The following SLC16A2 variants were observed in gnomAD, a reference collection of about 807,000 sequenced individuals.
SLC16A2 encodes the protein solute carrier family 16 member 2.
SLC16A2 carries 3 observed loss-of-function variants against 27.2 expected under a neutral mutation model. The ratio of observed to expected loss-of-function variants is 0.11; its 90% CI spans 0.05 to 0.28. SLC16A2 has a LOEUF of 0.28. Ranked by LOEUF, SLC16A2 falls within the 10% of genes least tolerant of loss-of-function variation. The probability of loss-of-function intolerance (pLI) is 1.00; values close to 1 mark genes in which losing one functional copy is unlikely to be tolerated. For missense variants in SLC16A2, 295 were observed against 458.5 expected, an observed-to-expected ratio of 0.64 and a Z score of 3.26; for synonymous variants, 202 against 187.8, an observed-to-expected ratio of 1.08 and a Z score of -0.62.
At chrX:74,499,249 T>C (rs1430438290) in intron 1 of SLC16A2, among the ~76,000 whole-genome samples, 1 of 110,220 alleles carries the variant, frequency 9.1e-6, no homozygotes, top group Non-Finnish European at 1.9e-5. Context: ...GTTTGGTCAA[T>C]CTAACAAGAA....
chrX:74,501,006 G>A (rs1467009306), intron 1 of SLC16A2, among the ~76,000 whole-genome samples: 6 of 107,330 alleles, frequency 5.6e-5, no homozygotes, highest in Non-Finnish European at 7.7e-5. Flanking sequence ...TCATATATTA[G>A]GCTGGTGCAA....
intron 1 of SLC16A2, among the ~76,000 whole-genome samples, chrX:74,511,853 C>A (rs1930238823): frequency 9.0e-6 from 1 of 111,731 alleles, no homozygotes; most frequent in African/African-American, 3.3e-5. Flanking sequence ...GCACTTAACT[C>A]TGGGCCCTGC....
intron 2 of SLC16A2, among the ~76,000 whole-genome samples, chrX:74,521,564 A>C (rs1181477573): frequency 8.9e-6 from 1 of 112,238 alleles, no homozygotes; most frequent in Non-Finnish European, 1.9e-5. Context: ...TGTGCCACAC[A>C]TCTCACAACC....
chrX:74,423,877 G>A (rs1928358434), intron 1 of SLC16A2, among the ~76,000 whole-genome samples: 2 of 111,802 alleles, frequency 1.8e-5, no homozygotes, highest in South Asian at 3.8e-4. Flanking sequence ...ATGAGAAGCA[G>A]TAGAGGCTAG....
intron 4 of SLC16A2, 138 bp downstream of exon 4, chrX:74,526,031 C>A: frequency 1.4e-6 from 1 of 723,468 alleles, no homozygotes; most frequent in Non-Finnish European, 2.1e-6. Flanking sequence ...TCCATTTCAC[C>A]TGCTTTTAAA....
intron 1 of SLC16A2, among the ~76,000 whole-genome samples, chrX:74,505,362 GA>G (rs750291015): frequency 8.9e-6 from 1 of 111,939 alleles, no homozygotes; most frequent in East Asian, 2.8e-4. Flanking sequence ...ATCTCTCTCA[GA>G]AAACACTTAA....
chrX:74,514,675 G>A (rs1015130129), intron 1 of SLC16A2, among the ~76,000 whole-genome samples: 12 of 111,851 alleles, frequency 1.1e-4, no homozygotes, highest in South Asian at 3.7e-4. Context: ...TGAAAGCCAA[G>A]TAGGAAACTG....
intron 1 of SLC16A2, among the ~76,000 whole-genome samples, chrX:74,423,546 G>A (rs1009680660): frequency 9.0e-6 from 1 of 111,517 alleles, no homozygotes; most frequent in African/African-American, 3.3e-5. Flanking sequence ...GCAGCGGTGT[G>A]CAGGCCCCGA....
Position 74,521,131 on chromosome X carries a change from C to G in SLC16A2, c.572C>G (p.Thr191Ser), listed in dbSNP as rs375483786. The G allele has an allele frequency of 9.1e-6, 11 of 1,210,139 alleles. No homozygotes were observed. In the Admixed American group the frequency reaches 1.3e-4, roughly 14 times the overall value. The change falls in exon 2 of 6, where the codon ACC (threonine) becomes AGC (serine). Residue 191 changes from threonine to serine, a missense_variant. Thr to Ser is a moderately conservative substitution (Grantham distance 58). Coordinates refer to ENST00000587091, the MANE Select transcript of SLC16A2 (RefSeq NM_006517.5). Reference sequence around the variant, plus strand: ...ATTGGCCTCCATACCAGCTCCTTCACCAGGTAAGGCTAAGAGTTGGTGGTT... The same window carrying G: ...ATTGGCCTCCATACCAGCTCCTTCAGCAGGTAAGGCTAAGAGTTGGTGGTT... The part of the protein sequence containing the change: ...AFIGLHTSSF[T>S]SSLSLRYFTY...
chrX:74,467,488 C>T (rs753076550), intron 1 of SLC16A2, among the ~76,000 whole-genome samples: 98 of 111,348 alleles, frequency 8.8e-4, no homozygotes, highest in Non-Finnish European at 4.5e-4. Context: ...CCTAGCACTC[C>T]CGCCCAAAGT....
chrX:74,515,022 AG>A (rs1356088584), intron 1 of SLC16A2, among the ~76,000 whole-genome samples: 1 of 112,071 alleles, frequency 8.9e-6, no homozygotes, highest in Admixed American at 9.5e-5. Context: ...ACCAAGGACC[AG>A]GGAAATCTTG....
chrX:74,493,920 G>A (rs1277525704), intron 1 of SLC16A2, among the ~76,000 whole-genome samples: 2 of 111,555 alleles, frequency 1.8e-5, no homozygotes, highest in East Asian at 2.8e-4. Context: ...TCTCAGGCGG[G>A]AACAAGCCTT....
chrX:74,524,792 G>A lies in SLC16A2; in HGVS notation c.1009G>A (p.Val337Ile). The part of the protein sequence containing the change: ...GIAAAALGYF[V>I]PYVHLMKYVE... Reference sequence around the variant, plus strand: ...TGCTGCTGCTGCCCTTGGCTACTTTGTTCCCTATGTACACCTGGTGAGGAA... The same window carrying A: ...TGCTGCTGCTGCCCTTGGCTACTTTATTCCCTATGTACACCTGGTGAGGAA... Residue 337 changes from valine to isoleucine, a missense_variant, in exon 3 of 6, where the codon GTT (valine) becomes ATT (isoleucine). This residue lies in a region of SLC16A2 where 144 missense variants were observed against 219.8 expected (regional missense o/e 0.66). Transcript: ENST00000587091. 8.3e-7 allele frequency: 1 copy of A among 1,209,448 alleles called. No individual in the cohort carries two copies. Among genetic ancestry groups the A allele is most frequent in the Non-Finnish European group, 1.1e-6 (1 of 895,219 alleles).
intron 1 of SLC16A2, among the ~76,000 whole-genome samples, chrX:74,476,006 A>G (rs1431559687): frequency 9.0e-6 from 1 of 111,206 alleles, no homozygotes; most frequent in African/African-American, 3.3e-5. Flanking sequence ...AGTTTTTTCC[A>G]ATTCTGTGAA....
At chrX:74,484,456 T>C (rs1051568731) in intron 1 of SLC16A2, among the ~76,000 whole-genome samples, 9 of 112,081 alleles carry the variant, frequency 8.0e-5, no homozygotes, top group Non-Finnish European at 3.8e-5. Context: ...ACCAAAGTTT[T>C]ATTGTGCGGA....
At chrX:74,452,010 T>C (rs1413544085) in intron 1 of SLC16A2, among the ~76,000 whole-genome samples, 2 of 112,728 alleles carry the variant, frequency 1.8e-5, no homozygotes, top group East Asian at 2.8e-4. Context: ...AAAAGTTCAA[T>C]GACTGTCCGC....
intron 1 of SLC16A2, among the ~76,000 whole-genome samples, chrX:74,508,784 T>C (rs1325136830): frequency 9.0e-6 from 1 of 111,643 alleles, no homozygotes; most frequent in East Asian, 2.8e-4. Context: ...GGGGGTTTGT[T>C]GTACATATTA....
chrX:74,518,381 G>A (rs755338976), intron 1 of SLC16A2, among the ~76,000 whole-genome samples: 14 of 111,451 alleles, frequency 1.3e-4, no homozygotes, highest in Non-Finnish European at 2.6e-4. Context: ...ATCATTTGAG[G>A]CCGGGAGTTT....
At chrX:74,528,265 C>T (rs113389854) in intron 4 of SLC16A2, among the ~76,000 whole-genome samples, 8,537 of 110,389 alleles carry the variant, frequency 0.077, 338 homozygotes, top group Admixed American at 0.13. Flanking sequence ...TTGGCAGCAG[C>T]GGGATGGGGG....
Sources: gnomAD v4.1 joint callset for allele counts (sites outside exome capture counted in the v4.1 genomes callset) on GRCh38, gnomAD v4.1.1 for gene constraint, gnomAD v4.1.1 regional missense constraint, MANE v1.5 for transcripts, NCBI Gene and HGNC (gene_info 2026-07-23, HGNC 2026-07-21) for gene names.